The following RIBC2 variants were observed in gnomAD, a reference collection of about 807,000 sequenced individuals.
The protein encoded by RIBC2 is RIB43A domain with coiled-coils 2.
RIBC2 carries 40 observed loss-of-function variants against 44.3 expected under a neutral mutation model. That is an observed-to-expected ratio of 0.90 (90% CI 0.70 to 1.18). RIBC2 has a LOEUF of 1.18. RIBC2 is among the 50% of genes most tolerant of loss of function. The probability of loss-of-function intolerance (pLI) is 0.00; values close to 1 mark genes in which losing one functional copy is unlikely to be tolerated. For synonymous variants in RIBC2, 171 were observed against 175.0 expected (o/e 0.98, Z 0.18); for missense variants, 459 against 485.5 (o/e 0.95, Z 0.51).
chr22:45,431,179 C>T, intron 6 of RIBC2, 113 bp downstream of exon 6: 1 of 1,270,846 alleles, frequency 7.9e-7, no homozygotes, highest in African/African-American at 1.5e-5. Flanking sequence ...CCCTGGTGGT[C>T]CTCATCTGGA....
chr22:45,418,138 G>C, intron 3 of RIBC2, 192 bp downstream of exon 3: 2 of 473,916 alleles, frequency 4.2e-6, no homozygotes, highest in Non-Finnish European at 7.5e-6. Flanking sequence ...TGTGGGGAAA[G>C]AAAAGTCAGA....
Position 45,413,923 on chromosome 22 carries a change from G to T in RIBC2, c.37G>T (p.Asp13Tyr). 1 of 1,551,704 alleles carries T rather than the reference G, an allele frequency of 6.4e-7. No individual in the cohort carries two copies. Among genetic ancestry groups the T allele is most frequent in the Non-Finnish European group, 8.7e-7 (1 of 1,146,988 alleles). ...SQTMAVALPR[D>Y]LRQDANLAKR... is the part of the protein sequence containing the mutation. ...GACCATGGCGGTGGCGCTGCCCAGG[G>T]ACTTGCGGCAGGACGCCAACCTGGC... is the stretch of plus-strand genomic sequence containing the variant. The change falls in exon 1 of 7, where the codon GAC (aspartate) becomes TAC (tyrosine). Residue 13 changes from aspartate (D) to tyrosine (Y), a missense_variant. Asp to Tyr is a radical substitution (Grantham distance 160, BLOSUM62 -3). Transcript: ENST00000614167.
chr22:45,429,462 G>A (rs1164833120), intron 5 of RIBC2, among the ~76,000 whole-genome samples: 2 of 152,112 alleles, frequency 1.3e-5, no homozygotes, highest in Non-Finnish European at 2.9e-5. Context: ...GGTGGCAGGT[G>A]CCATAGTTGG....
chr22:45,427,992 C>T lies in RIBC2; in HGVS notation c.903+1817C>T, dbSNP rs570915020. 4.5e-4 allele frequency among the ~76,000 whole-genome samples: 68 copies of T among 152,336 alleles called. 1 individual carries two copies. Among genetic ancestry groups the T allele is most frequent in the Middle Eastern group, 3.4e-3 (1 of 294 alleles). On this transcript the variant is annotated intron_variant, in intron 5 of 6. Transcript: ENST00000614167. ...CCTGCTCCCACCTCCCCAGCACCCC[C>T]CTTCTCACCACCACTGTTGATAAAG...
intron 4 of RIBC2, among the ~76,000 whole-genome samples, chr22:45,423,295 T>G (rs1340593342): frequency 6.6e-6 from 1 of 151,894 alleles, no homozygotes; most frequent in Non-Finnish European, 1.5e-5. Flanking sequence ...AAATTAGAGC[T>G]CGCCCCCCTG....
chr22:45,422,522 C>T (rs2087496468), intron 4 of RIBC2, 114 bp downstream of exon 4: 1 of 772,268 alleles, frequency 1.3e-6, no homozygotes, highest in Admixed American at 1.9e-5. Flanking sequence ...GCTCCCTGGT[C>T]ACATGACCGG....
chr22:45,415,199 GAAAA>G (rs10587079), intron 2 of RIBC2, among the ~76,000 whole-genome samples: 1 of 126,824 alleles, frequency 7.9e-6, no homozygotes, highest in Non-Finnish European at 1.7e-5. Context: ...AAAATAAATT[GAAAA>G]AAAAAAAAAA....
At chr22:45,431,318 G>A (rs2087578717) in intron 6 of RIBC2, among the ~76,000 whole-genome samples, 1 of 152,174 alleles carries the variant, frequency 6.6e-6, no homozygotes, top group Non-Finnish European at 1.5e-5. Context: ...TCTGCTGGGG[G>A]AGTCAGGAAG....
At chr22:45,421,595 GTATTA>G (rs1569209008) in intron 3 of RIBC2, among the ~76,000 whole-genome samples, 13 of 32,014 alleles carry the variant, frequency 4.1e-4, no homozygotes, top group African/African-American at 2.2e-3. Context: ...AATAATAATA[GTATTA>G]TTAATAATAA....
At position 45,414,006 on chromosome 22, in the gene RIBC2, G is replaced by A. The variant is rs1048345682; in HGVS notation, c.120G>A (p.Arg40=). Residue 40 remains arginine (R), a synonymous_variant, in exon 1 of 7, where the codon AGG becomes AGA. Transcript: ENST00000614167. ...RQKRVFNARN[R]IIGGDTEAWD... ...AGCGGGTCTTCAACGCCAGAAACAG[G>A]ATAATTGGGGTGAAAGGGCAGGGGC... 6 of 1,551,532 alleles carry A rather than the reference G, an allele frequency of 3.9e-6. No individual in the cohort carries two copies. Among genetic ancestry groups the A allele is most frequent in the Non-Finnish European group, 4.4e-6 (5 of 1,146,940 alleles).
At chr22:45,419,319 G>GC in intron 3 of RIBC2, among the ~76,000 whole-genome samples, 5 of 151,894 alleles carry the variant, frequency 3.3e-5, no homozygotes, top group African/African-American at 9.7e-5. Context: ...ACCCACATCC[G>GC]TGACAGCTCC....
At chr22:45,431,558 T>A (rs1214836810) in intron 6 of RIBC2, among the ~76,000 whole-genome samples, 1 of 152,236 alleles carries the variant, frequency 6.6e-6, no homozygotes, top group Non-Finnish European at 1.5e-5. Flanking sequence ...TTTACTTATT[T>A]ATCTAGCTCT....
intron 2 of RIBC2, among the ~76,000 whole-genome samples, chr22:45,416,899 GTTTT>G (rs34961526): frequency 1.7e-5 from 2 of 120,640 alleles, no homozygotes; most frequent in African/African-American, 3.3e-5. Context: ...GATTACTCAG[GTTTT>G]TTTTTTTTTT....
At chr22:45,425,858 C>T (rs555796831) in intron 4 of RIBC2, 90 bp from the exon 5 acceptor site, 19 of 1,117,558 alleles carry the variant, frequency 1.7e-5, no homozygotes, top group African/African-American at 3.1e-5. Context: ...ATCCTCCCCT[C>T]GAGGGCCCCC....
chr22:45,427,973 C>T (rs1196444043), intron 5 of RIBC2, among the ~76,000 whole-genome samples: 2 of 152,196 alleles, frequency 1.3e-5, no homozygotes, highest in Admixed American at 1.3e-4. Context: ...GAGTCCTGCT[C>T]CCACCTCCCC....
At chr22:45,423,323 A>G (rs1165489787) in intron 4 of RIBC2, among the ~76,000 whole-genome samples, 2 of 147,788 alleles carry the variant, frequency 1.4e-5, no homozygotes, top group African/African-American at 5.0e-5. Context: ...CTCCCCCCAC[A>G]AGGTTTTCTT....
Position 45,414,185 on chromosome 22 carries a change from G to T in RIBC2, c.130-137G>T, listed in dbSNP as rs1201777113. The T allele has an allele frequency of 2.7e-6, 4 of 1,476,724 alleles. No homozygotes were observed. The African/African-American group carries it at 4.3e-5, about 16-fold the overall frequency. 91.5% of individuals were successfully genotyped at this position (1,476,724 alleles called of 1,614,324 possible). ...CTCGAGCTCGCCTGGAGTCACCAAC[G>T]GTTCTCCTCCCCTGAGCCAGATTTT... On this transcript the variant is annotated intron_variant, in intron 1 of 6. Coordinates refer to ENST00000614167, the MANE Select transcript of RIBC2 (RefSeq NM_015653.5).
intron 5 of RIBC2, among the ~76,000 whole-genome samples, chr22:45,428,660 G>A (rs571940305): frequency 6.6e-6 from 1 of 152,176 alleles, no homozygotes. Context: ...CCACTGAAGT[G>A]ACCGTCATTT....
intron 4 of RIBC2, 147 bp downstream of exon 4, chr22:45,422,555 C>T (rs1467088042): frequency 2.9e-6 from 2 of 678,506 alleles, no homozygotes; most frequent in Admixed American, 2.2e-5. Context: ...CCCTGATGGG[C>T]TGCCTGATGA....
Sources: allele counts gnomAD v4.1 joint callset (sites outside exome capture counted in the v4.1 genomes callset), GRCh38; gene constraint gnomAD v4.1.1; transcripts MANE v1.5; gene names NCBI Gene and HGNC (gene_info 2026-07-23, HGNC 2026-07-21).